The following ZSCAN30 variants were observed in gnomAD, a reference collection of about 807,000 sequenced individuals.
ZSCAN30 encodes the protein zinc finger and SCAN domain-containing protein 30.
In ZSCAN30, 37 loss-of-function variants were observed where a neutral mutation model predicts 44.3. The ratio of observed to expected loss-of-function variants is 0.84; its 90% CI spans 0.64 to 1.10. The LOEUF is 1.10. Among genes scored for constraint, ZSCAN30 ranks in the 50% least tolerant of loss-of-function variants. The probability of loss-of-function intolerance (pLI) is 0.00; values close to 1 mark genes in which losing one functional copy is unlikely to be tolerated. For synonymous variants in ZSCAN30, 181 were observed against 204.6 expected (o/e 0.88, Z 0.98); for missense variants, 549 against 582.6 (o/e 0.94, Z 0.59).
chr18:35,276,036 T>C (rs1273136852), intron 1 of ZSCAN30, among the ~76,000 whole-genome samples: 5 of 152,216 alleles, frequency 3.3e-5, no homozygotes, highest in Non-Finnish European at 7.3e-5. Context: ...GAAAATCCTT[T>C]TTTATATGTT....
At chr18:35,271,913 G>A (rs958368345) in intron 1 of ZSCAN30, among the ~76,000 whole-genome samples, 2 of 152,092 alleles carry the variant, frequency 1.3e-5, no homozygotes, top group African/African-American at 2.4e-5. Flanking sequence ...TACTGCCTGG[G>A]GCCGGCGGCG....
At chr18:35,264,701 T>A (rs1282037046) in intron 1 of ZSCAN30, among the ~76,000 whole-genome samples, 2 of 152,122 alleles carry the variant, frequency 1.3e-5, no homozygotes, top group Non-Finnish European at 2.9e-5. Flanking sequence ...TTAGGGATAA[T>A]AAAATAGTGC....
At chr18:35,279,261 T>C (rs575392403) in intron 1 of ZSCAN30, among the ~76,000 whole-genome samples, 6 of 152,348 alleles carry the variant, frequency 3.9e-5, no homozygotes, top group African/African-American at 1.4e-4. Flanking sequence ...GGCCATACTC[T>C]CTCTGAAAGC....
chr18:35,253,435 C>CGTAA lies in ZSCAN30; in HGVS notation c.*14_*15insTTAC. On this transcript the variant is annotated 3_prime_UTR_variant, in exon 4 of 4. Coordinates refer to ENST00000333206, the MANE Select transcript of ZSCAN30 (RefSeq NM_001112734.4). The stretch of plus-strand genomic sequence containing the variant: ...CTCCTTGCATTTCACAATTGTACAA[C>CGTAA]TCTTACCCACAGAGTTAAACTCTGG... 6.5e-7 allele frequency: 1 copy of CGTAA among 1,544,890 alleles called. No homozygotes were observed. Among genetic ancestry groups the CGTAA allele is most frequent in the Non-Finnish European group, 8.7e-7 (1 of 1,145,178 alleles).
intron 1 of ZSCAN30, chr18:35,269,057 C>G (rs2044220212): frequency 6.6e-6 from 1 of 152,220 alleles, no homozygotes. Context: ...ATGTTTATGT[C>G]AGATGACTCT....
At chr18:35,275,422 T>A (rs2143752354) in intron 1 of ZSCAN30, among the ~76,000 whole-genome samples, 1 of 152,338 alleles carries the variant, frequency 6.6e-6, no homozygotes. Context: ...TCTCAAGCAT[T>A]ATTCTCCTCA....
chr18:35,272,350 G>T (rs1598641359), intron 1 of ZSCAN30, among the ~76,000 whole-genome samples: 1 of 137,700 alleles, frequency 7.3e-6, no homozygotes. Flanking sequence ...ATTTTAGAAA[G>T]TTTTTTTTTT....
intron 1 of ZSCAN30, chr18:35,283,334 T>C (rs2044493591): frequency 6.6e-6 from 1 of 152,034 alleles, no homozygotes; most frequent in African/African-American, 2.4e-5. Flanking sequence ...GAGGTTGCAA[T>C]GAGATGAGAT....
chr18:35,283,528 C>G (rs761725556), intron 1 of ZSCAN30: 1 of 152,346 alleles, frequency 6.6e-6, no homozygotes, highest in African/African-American at 2.4e-5. Context: ...GTGAGCCAGG[C>G]GTGAAGTAGC....
In ZSCAN30 at chr18:35,254,101, ACT is replaced by A; in HGVS notation, c.832_833del (p.Ser278Ter). ...TEHSVLESHE[S>X]EGSFSMNSND... ...TTGAATTCATACTGAAACTTCCTTCACTCTCATGAGATTCAAGGACACTGTGT... is the reference window on the plus strand; with the variant it reads ...TTGAATTCATACTGAAACTTCCTTCACTCATGAGATTCAAGGACACTGTGT... On this transcript the variant is annotated frameshift_variant, in exon 4 of 4. Coordinates refer to ENST00000333206, the MANE Select transcript of ZSCAN30 (RefSeq NM_001112734.4). LOFTEE classifies it high-confidence loss of function. 6.2e-7 allele frequency: 1 copy of A among 1,613,910 alleles called. No individual in the cohort carries two copies. The highest frequency in any genetic ancestry group is 2.2e-5 in the East Asian group (1 of 44,872).
chr18:35,269,064 C>T (rs2044220317), intron 1 of ZSCAN30: 2 of 152,218 alleles, frequency 1.3e-5, no homozygotes, highest in African/African-American at 2.4e-5. Context: ...TGTCAGATGA[C>T]TCTGACCACA....
chr18:35,261,429 T>C (rs1445801362), intron 3 of ZSCAN30: 1 of 152,212 alleles, frequency 6.6e-6, no homozygotes, highest in Non-Finnish European at 1.5e-5. Context: ...ACTGAATCTA[T>C]AAATTACTTT....
At chr18:35,270,341 T>C (rs1598637121) in intron 1 of ZSCAN30, 4 of 152,340 alleles carry the variant, frequency 2.6e-5, no homozygotes. Flanking sequence ...AACAAATACC[T>C]TGTCTGCCTT....
In ZSCAN30 at chr18:35,264,366, A is replaced by G. The variant is rs761579298; in HGVS notation, c.-14T>C. On this transcript the variant is annotated 5_prime_UTR_variant, in exon 2 of 4. Transcript: ENST00000333206. ...CTCTCCTGACATTCTGGGCAGAGAC[A>G]GTCTGAAAAGGCTGCCCAGGTGAGG... is the stretch of plus-strand genomic sequence containing the variant. 1 of 1,604,206 alleles carries G rather than the reference A, an allele frequency of 6.2e-7. No individual in the cohort carries two copies. The highest frequency in any genetic ancestry group is 8.5e-7 in the Non-Finnish European group (1 of 1,174,530).
chr18:35,285,408 T>A lies in ZSCAN30; in HGVS notation c.-104+4676A>T, dbSNP rs140787321. Among the ~76,000 whole-genome samples, 18 of 152,182 alleles carry A rather than the reference T, an allele frequency of 1.2e-4. No individual in the cohort carries two copies. In the East Asian group the frequency reaches 3.3e-3, roughly 28 times the overall value. On this transcript the variant is annotated intron_variant, in intron 1 of 3. Transcript: ENST00000333206. ...AATACCATTAACCAACTAACAATAA[T>A]CAAATAGTCAACCCAACAGCAGCAG...
At chr18:35,268,797 T>C (rs1268617423) in intron 1 of ZSCAN30, 1 of 152,206 alleles carries the variant, frequency 6.6e-6, no homozygotes, top group African/African-American at 2.4e-5. Context: ...AGAATATTGG[T>C]TGAACTAAGC....
intron 1 of ZSCAN30, among the ~76,000 whole-genome samples, chr18:35,275,831 C>T (rs1053242369): frequency 1.1e-4 from 16 of 152,196 alleles, no homozygotes; most frequent in African/African-American, 3.9e-4. Flanking sequence ...TCTGTAATGA[C>T]ATTCTCCATT....
intron 1 of ZSCAN30, among the ~76,000 whole-genome samples, chr18:35,276,295 CT>C (rs35094357): frequency 0.019 from 2,708 of 143,414 alleles, 24 homozygotes; most frequent in South Asian, 0.076. Context: ...CTTTGTGTGC[CT>C]TTTTTTTTTT....
Position 35,254,297 on chromosome 18 carries a change from C to T in ZSCAN30, c.638G>A (p.Gly213Glu). The T allele has an allele frequency of 6.2e-7, 1 of 1,614,110 alleles. No individual in the cohort carries two copies. The highest frequency in any genetic ancestry group is 1.1e-5 in the South Asian group (1 of 91,086). Residue 213 changes from glycine to glutamate, a missense_variant, in exon 4 of 4, where the codon GGA (glycine) becomes GAA (glutamate). Physicochemically the swap from Gly to Glu is moderately conservative, Grantham distance 98. Coordinates refer to ENST00000333206, the MANE Select transcript of ZSCAN30 (RefSeq NM_001112734.4). ...CVASAAMISP[G>E]KLPGETHSQR... ...GGAATGTGTTTCTCCAGGAAGTTTT[C>T]CCGGCGATATCATAGCTGCTGAGGC...
Sources: gnomAD v4.1 joint callset for allele counts (sites outside exome capture counted in the v4.1 genomes callset) on GRCh38, gnomAD v4.1.1 for gene constraint, MANE v1.5 for transcripts, NCBI Gene and HGNC (gene_info 2026-07-23, HGNC 2026-07-21) for gene names.